Variants in CSMD2 observed in about 807,000 individuals in gnomAD.
CSMD2 encodes CUB and Sushi multiple domains 2.
Under a neutral mutation model 398.5 loss-of-function variants are expected in CSMD2, and 130 were observed. That is an observed-to-expected ratio of 0.33 (90% confidence interval 0.28 to 0.38). The LOEUF (loss-of-function observed/expected upper bound fraction) is 0.38, where lower values mean the gene tolerates loss of function less well. Among genes scored for constraint, CSMD2 ranks in the 10% least tolerant of loss-of-function variants. The pLI is 1.00. For missense variants in CSMD2, 3,829 were observed against 4,764.9 expected (o/e 0.80, Z 5.78); for synonymous variants, 1,828 against 1,908.5 (o/e 0.96, Z 1.10).
intron 13 of CSMD2, 107 bp from the exon 14 acceptor site, chr1:33,743,713 A>G (rs1173777803): frequency 6.2e-6 from 5 of 809,974 alleles, no homozygotes; most frequent in Admixed American, 5.8e-5. Flanking sequence ...CAACAGAAAG[A>G]AAGAGTGGCA....
chr1:34,014,948 T>C (rs1246895971), intron 3 of CSMD2, among the ~76,000 whole-genome samples: 1 of 152,196 alleles, frequency 6.6e-6, no homozygotes, highest in Admixed American at 6.5e-5. Flanking sequence ...GTCTGTGCTT[T>C]TCCCCAAGAC....
chr1:34,048,443 T>C (rs750578726), intron 2 of CSMD2, among the ~76,000 whole-genome samples: 17 of 152,182 alleles, frequency 1.1e-4, no homozygotes, highest in Non-Finnish European at 2.1e-4. Context: ...AAACAACAAT[T>C]ATAAAAATAT....
At chr1:33,539,448 G>C (rs955988994) in intron 60 of CSMD2, among the ~76,000 whole-genome samples, 1 of 152,176 alleles carries the variant, frequency 6.6e-6, no homozygotes, top group South Asian at 2.1e-4. Context: ...AAGGTAGAAA[G>C]GTATTGATGG....
intron 3 of CSMD2, among the ~76,000 whole-genome samples, chr1:33,948,338 T>C (rs1160278879): frequency 2.0e-5 from 3 of 152,148 alleles, no homozygotes; most frequent in Admixed American, 6.5e-5. Flanking sequence ...AGCTCCTTAA[T>C]TGGAAGACCC....
intron 22 of CSMD2, among the ~76,000 whole-genome samples, chr1:33,704,907 C>T (rs991602426): frequency 6.6e-6 from 1 of 151,924 alleles, no homozygotes; most frequent in Non-Finnish European, 1.5e-5. Flanking sequence ...GGACTACAGG[C>T]ACCCGCCATC....
chr1:33,527,090 C>T, intron 65 of CSMD2, 106 bp downstream of exon 65: 2 of 1,010,246 alleles, frequency 2.0e-6, no homozygotes, highest in South Asian at 2.6e-5. Flanking sequence ...AGTTTTCATG[C>T]CCTTCCTCTA....
chr1:34,084,084 G>A, intron 2 of CSMD2, among the ~76,000 whole-genome samples: 1 of 152,122 alleles, frequency 6.6e-6, no homozygotes, highest in East Asian at 1.9e-4. Flanking sequence ...CAGAGATCAG[G>A]AGCACAAGCA....
chr1:34,110,789 A>T (rs761496806), intron 1 of CSMD2, among the ~76,000 whole-genome samples: 25 of 152,204 alleles, frequency 1.6e-4, no homozygotes, highest in Non-Finnish European at 3.2e-4. Context: ...AATAACTATT[A>T]GGTACTAGGC....
intron 32 of CSMD2, among the ~76,000 whole-genome samples, chr1:33,628,039 C>T: frequency 6.6e-6 from 1 of 152,240 alleles, no homozygotes; most frequent in East Asian, 1.9e-4. Flanking sequence ...TTATGTGAAC[C>T]ACAACAAAGA....
intron 4 of CSMD2, among the ~76,000 whole-genome samples, chr1:33,930,130 G>A (rs1158051802): frequency 1.3e-5 from 2 of 152,244 alleles, no homozygotes; most frequent in Admixed American, 1.3e-4. Context: ...ATTTGGCACT[G>A]TATAGGCAGT....
intron 9 of CSMD2, among the ~76,000 whole-genome samples, chr1:33,816,331 A>G (rs1031741965): frequency 1.3e-5 from 2 of 152,114 alleles, no homozygotes; most frequent in Non-Finnish European, 2.9e-5. Context: ...TATCAACACC[A>G]ATTTGTGATC....
intron 2 of CSMD2, among the ~76,000 whole-genome samples, chr1:34,080,406 T>G (rs1240767845): frequency 1.3e-5 from 2 of 151,988 alleles, no homozygotes; most frequent in African/African-American, 2.4e-5. Context: ...ATAACATAAT[T>G]TTTTCACCTT....
chr1:33,673,998 G>A (rs1051051017), intron 25 of CSMD2, among the ~76,000 whole-genome samples: 1 of 152,204 alleles, frequency 6.6e-6, no homozygotes, highest in Non-Finnish European at 1.5e-5. Context: ...AACAGCCGCT[G>A]CAAAACATGC....
Position 34,151,820 on chromosome 1 carries a change from C to A in CSMD2, c.187+13091G>T, listed in dbSNP as rs548340444. ...TCCTTCCTCCCTCCCTCCCTCCCCC[C>A]CCTTCTCTCTTCCTTTCTTTCAGTC... On this transcript the variant is annotated intron_variant, in intron 1 of 70. Coordinates refer to ENST00000373381, the MANE Select transcript of CSMD2 (RefSeq NM_001281956.2). Among the ~76,000 whole-genome samples, 317 of 148,264 alleles carry A rather than the reference C, an allele frequency of 2.1e-3. 1 individual carries two copies. The highest frequency in any genetic ancestry group is 4.2e-3 in the Admixed American group (63 of 14,866).
At position 33,518,152 on chromosome 1, in the gene CSMD2, C is replaced by T. The variant is rs1653929040; in HGVS notation, c.*53+1313G>A. On this transcript the variant is annotated intron_variant, in intron 70 of 70. Transcript: ENST00000373381. The surrounding 1 kb of genome is among the most constrained non-coding windows in gnomAD (Gnocchi z 4.3). ...GACTCTTCTCCCCAGAGTCCTTCAG[C>T]ACAGGACCTGAGAGGGGGCACCTGC... Among the ~76,000 whole-genome samples, 2 of 152,364 alleles carry T rather than the reference C, an allele frequency of 1.3e-5. No individual in the cohort carries two copies. Among genetic ancestry groups the T allele is most frequent in the African/African-American group, 2.4e-5 (1 of 41,586 alleles).
chr1:33,630,727 A>G (rs955334408), intron 32 of CSMD2, among the ~76,000 whole-genome samples: 4 of 152,244 alleles, frequency 2.6e-5, no homozygotes, highest in African/African-American at 9.6e-5. Flanking sequence ...ACATGGAAAT[A>G]AAAATATAAA....
At chr1:33,851,406 T>A (rs895575023) in intron 5 of CSMD2, among the ~76,000 whole-genome samples, 2 of 152,132 alleles carry the variant, frequency 1.3e-5, no homozygotes, top group African/African-American at 4.8e-5. Flanking sequence ...CACTTCTGCA[T>A]CCCAGTACTA....
intron 1 of CSMD2, among the ~76,000 whole-genome samples, chr1:34,104,164 C>G (rs1028491092): frequency 2.6e-5 from 4 of 152,164 alleles, no homozygotes; most frequent in Non-Finnish European, 5.9e-5. Context: ...ATTTTATGCA[C>G]TTTTTGCCGC....
Position 33,519,421 on chromosome 1 carries a change from T to C in CSMD2, c.*53+44A>G, listed in dbSNP as rs1654044936. On this transcript the variant is annotated intron_variant, in intron 70 of 70. Coordinates refer to ENST00000373381, the MANE Select transcript of CSMD2 (RefSeq NM_001281956.2). This position sits in a 1 kb window ranked among gnomAD's most constrained non-coding sequence, Gnocchi z 5.6. The stretch of plus-strand genomic sequence containing the variant: ...AGCCCCTGGCACGCATAGGTCCCTG[T>C]CTGTGCTTGTCATGGCCTGTCTTCC... The C allele has an allele frequency of 3.1e-6, 4 of 1,272,906 alleles. No homozygotes were observed. Among genetic ancestry groups the C allele is most frequent in the Admixed American group, 1.8e-5 (1 of 54,968 alleles). The allele number at this position is 1,272,906 out of a possible 1,614,324, so 78.9% of individuals were successfully genotyped here. A position where few individuals can be genotyped will look rare whatever the true frequency, so the allele number is the denominator to read the frequency against.
Sources: gnomAD v4.1 joint callset for allele counts (sites outside exome capture counted in the v4.1 genomes callset) on GRCh38, gnomAD v4.1.1 for gene constraint, Gnocchi (gnomAD v3.1) non-coding constraint, MANE v1.5 for transcripts, NCBI Gene and HGNC (gene_info 2026-07-23, HGNC 2026-07-21) for gene names.